TBC1D13: variants seen among roughly 807,000 people sequenced by gnomAD.
The protein encoded by TBC1D13 is TBC1 domain family member 13, also known as epididymis secretory sperm binding protein.
In TBC1D13, 40 loss-of-function variants were observed where a neutral mutation model predicts 53.6. The observed-to-expected ratio is 0.75, with a 90% CI of 0.58 to 0.97. The LOEUF (loss-of-function observed/expected upper bound fraction) is 0.97, where lower values mean the gene tolerates loss of function less well. TBC1D13 is among the 50% of genes least tolerant of loss of function. The pLI, the probability that TBC1D13 is intolerant of heterozygous loss-of-function variation, is 0.00. For missense variants in TBC1D13, 377 were observed against 499.4 expected (o/e 0.75, Z 2.34); for synonymous variants, 182 against 197.7 (o/e 0.92, Z 0.67).
chr9:128,787,532 C>CT (rs1829442787), intron 1 of TBC1D13, among the ~76,000 whole-genome samples, 156 bp downstream of exon 1: 1 of 152,104 alleles, frequency 6.6e-6, no homozygotes, highest in South Asian at 2.1e-4. Flanking sequence ...TGCCTGTGGG[C>CT]TGCAGGAACG....
At position 128,804,098 on chromosome 9, in the gene TBC1D13, T is replaced by C; in HGVS notation, c.897T>C (p.Asp299=). 1 of 1,613,958 alleles carries C rather than the reference T, an allele frequency of 6.2e-7. No individual in the cohort carries two copies. The highest frequency in any genetic ancestry group is 1.7e-4 in the Middle Eastern group (1 of 5,920). Residue 299 remains aspartate, a synonymous_variant, in exon 9 of 12, where the codon GAT becomes GAC. Coordinates refer to ENST00000372648, the MANE Select transcript of TBC1D13 (RefSeq NM_018201.5). ...TTTACTCCACCTTGAAAGATAAGGATGTGGAGCTCTACCTGAAACTGGTGA... is the reference window on the plus strand; with the variant it reads ...TTTACTCCACCTTGAAAGATAAGGACGTGGAGCTCTACCTGAAACTGGTGA... ...EKVYSTLKDK[D]VELYLKLQEQ...
At chr9:128,792,445 G>A (rs111487485) in intron 5 of TBC1D13, 47 bp from the exon 6 acceptor site, 9 of 1,582,742 alleles carry the variant, frequency 5.7e-6, no homozygotes, top group Admixed American at 1.7e-5. Flanking sequence ...ATCGGGCCCC[G>A]GGGCCTAGCT....
At chr9:128,794,643 T>A (rs1023239077) in intron 6 of TBC1D13, among the ~76,000 whole-genome samples, 3 of 151,120 alleles carry the variant, frequency 2.0e-5, no homozygotes, top group Non-Finnish European at 4.4e-5. Flanking sequence ...GCCTGGCTGA[T>A]TTTTGTATTT....
At chr9:128,803,207 C>T (rs771437971) in intron 7 of TBC1D13, 43 bp from the exon 8 acceptor site, 1 of 1,583,330 alleles carries the variant, frequency 6.3e-7, no homozygotes, top group Non-Finnish European at 8.7e-7. Flanking sequence ...GCCACTGACC[C>T]CAGCATTGTC....
At chr9:128,790,683 G>A in intron 2 of TBC1D13, 52 bp from the exon 3 acceptor site, 1 of 1,516,676 alleles carries the variant, frequency 6.6e-7, no homozygotes, top group Non-Finnish European at 8.8e-7. Context: ...TGAAGGGCTG[G>A]GGGTTCTGGG....
intron 2 of TBC1D13, chr9:128,789,829 A>G (rs931998904): frequency 2.1e-4 from 30 of 139,804 alleles, no homozygotes; most frequent in African/African-American, 7.8e-4. Context: ...TCCACTTATG[A>G]CAGATGCTAT....
chr9:128,799,822 C>T (rs530008838), intron 7 of TBC1D13, among the ~76,000 whole-genome samples: 38 of 152,236 alleles, frequency 2.5e-4, no homozygotes, highest in African/African-American at 8.2e-4. Context: ...GAGATCGAGA[C>T]CATCCTGGCT....
At chr9:128,792,332 C>A (rs752376495) in intron 5 of TBC1D13, among the ~76,000 whole-genome samples, 160 bp from the exon 6 acceptor site, 4 of 152,176 alleles carry the variant, frequency 2.6e-5, no homozygotes, top group African/African-American at 4.8e-5. Flanking sequence ...GAGGGAAGGG[C>A]TGTGTTGGCT....
At position 128,791,559 on chromosome 9, in the gene TBC1D13, C is replaced by T. The variant is rs763141392; in HGVS notation, c.201-35C>T. 8.1e-6 allele frequency: 13 copies of T among 1,611,316 alleles called. No individual in the cohort carries two copies. In the Admixed American group the frequency reaches 1.0e-4, roughly 12 times the overall value. On this transcript the variant is annotated intron_variant, in intron 4 of 11. Transcript: ENST00000372648. ...CTGCTCTGGGCTCCCTGGGCAGGAC[C>T]GTTGGGAATCATCCTTCTCACTTGT...
intron 6 of TBC1D13, among the ~76,000 whole-genome samples, chr9:128,793,188 A>G (rs535518759): frequency 1.1e-3 from 166 of 152,258 alleles, no homozygotes; most frequent in Admixed American, 1.6e-3. Flanking sequence ...GAACAATGCC[A>G]AGGCCAGGGT....
intron 6 of TBC1D13, among the ~76,000 whole-genome samples, chr9:128,796,518 T>C (rs1001498387): frequency 6.6e-5 from 10 of 152,140 alleles, no homozygotes; most frequent in Non-Finnish European, 1.3e-4. Context: ...CCCAAAGTGC[T>C]GGGATTATAG....
At chr9:128,803,500 C>A in intron 8 of TBC1D13, 40 bp downstream of exon 8, 1 of 1,592,592 alleles carries the variant, frequency 6.3e-7, no homozygotes, top group Non-Finnish European at 8.6e-7. Context: ...CGTTGCTGGC[C>A]CGTGTCAGGC....
intron 9 of TBC1D13, among the ~76,000 whole-genome samples, chr9:128,805,204 G>C (rs1262764489): frequency 6.6e-6 from 1 of 152,130 alleles, no homozygotes; most frequent in Non-Finnish European, 1.5e-5. Context: ...CAGGCATGGT[G>C]GCACAGGCCT....
chr9:128,798,019 G>A (rs770550506), intron 7 of TBC1D13, among the ~76,000 whole-genome samples: 3 of 152,220 alleles, frequency 2.0e-5, no homozygotes, highest in East Asian at 1.9e-4. Flanking sequence ...TTGGGTGGCC[G>A]AGGTGGGTGG....
rs1295105902 is a variant in TBC1D13 at position 128,797,109 on chromosome 9, C to T, written c.438C>T (p.Leu146=). 7.4e-6 allele frequency: 12 copies of T among 1,613,972 alleles called. No individual in the cohort carries two copies. Among genetic ancestry groups the T allele is most frequent in the Non-Finnish European group, 1.0e-5 (12 of 1,180,030 alleles). The change falls in exon 7 of 12, where the codon CTC becomes CTT. Residue 146 remains leucine (L), a synonymous_variant. Transcript: ENST00000372648. ...AGAGGGCCACTGACTACCCTTGCCT[C>T]CTCATCCTGGACCCCCAGAATGAGT... The part of the protein sequence containing the change: ...FFQRATDYPC[L]LILDPQNEFE...
At chr9:128,795,258 G>T (rs987158432) in intron 6 of TBC1D13, among the ~76,000 whole-genome samples, 2 of 146,328 alleles carry the variant, frequency 1.4e-5, no homozygotes, top group African/African-American at 2.5e-5. Context: ...TTGCTCTGTT[G>T]CCCAGGCTGG....
chr9:128,802,270 C>G (rs545858014), intron 7 of TBC1D13, among the ~76,000 whole-genome samples: 2 of 152,022 alleles, frequency 1.3e-5, no homozygotes, highest in East Asian at 3.9e-4. Context: ...GTTGGTCAGG[C>G]TGGTCTTGAA....
intron 7 of TBC1D13, among the ~76,000 whole-genome samples, chr9:128,802,955 G>A (rs754630895): frequency 2.6e-5 from 4 of 152,024 alleles, no homozygotes; most frequent in African/African-American, 4.8e-5. Context: ...GGCTGGTCTT[G>A]AACTCTTAGG....
At chr9:128,804,551 C>T (rs1398223098) in intron 9 of TBC1D13, among the ~76,000 whole-genome samples, 1 of 150,130 alleles carries the variant, frequency 6.7e-6, no homozygotes, top group East Asian at 2.0e-4. Context: ...GGACTACAGG[C>T]ACCCGCCACT....
Sources: allele counts gnomAD v4.1 joint callset (sites outside exome capture counted in the v4.1 genomes callset), GRCh38; gene constraint gnomAD v4.1.1; transcripts MANE v1.5; gene names NCBI Gene and HGNC (gene_info 2026-07-23, HGNC 2026-07-21).